The following DAAM1 variants were observed in gnomAD, a reference collection of about 807,000 sequenced individuals.
DAAM1 encodes the protein dishevelled associated activator of morphogenesis 1.
A neutral mutation model predicts 130.0 loss-of-function variants in DAAM1; 52 were observed. The ratio of observed to expected loss-of-function variants is 0.40; its 90% CI spans 0.32 to 0.50. The LOEUF is 0.50. Among genes scored for constraint, DAAM1 ranks in the 20% least tolerant of loss-of-function variants. The probability of loss-of-function intolerance (pLI) is 0.61; values close to 1 mark genes in which losing one functional copy is unlikely to be tolerated. For synonymous variants in DAAM1, 452 were observed against 444.5 expected, an observed-to-expected ratio of 1.02 and a Z score of -0.21; for missense variants, 1,134 against 1,303.8, an observed-to-expected ratio of 0.87 and a Z score of 2.01.
chr14:59,280,535 C>CT (rs35354608), intron 2 of DAAM1, among the ~76,000 whole-genome samples: 39,165 of 89,992 alleles, frequency 0.44, 7,725 homozygotes, highest in Non-Finnish European at 0.49. Flanking sequence ...GCACACCTTC[C>CT]TTTTTTTTTT....
chr14:59,273,358 T>C (rs1222694059), intron 2 of DAAM1, among the ~76,000 whole-genome samples: 1 of 152,190 alleles, frequency 6.6e-6, no homozygotes, highest in East Asian at 1.9e-4. Flanking sequence ...TTCTTATATC[T>C]TAATATTAGA....
At chr14:59,337,396 C>T (rs963752321) in intron 15 of DAAM1, among the ~76,000 whole-genome samples, 12 of 152,174 alleles carry the variant, frequency 7.9e-5, no homozygotes, top group African/African-American at 2.9e-4. Context: ...TTCTGTTTCT[C>T]ACTAGAGGAA....
At chr14:59,301,731 ACTCT>A (rs1464696509) in intron 3 of DAAM1, among the ~76,000 whole-genome samples, 2 of 151,744 alleles carry the variant, frequency 1.3e-5, no homozygotes, top group African/African-American at 4.8e-5. Context: ...AGATTTTGAG[ACTCT>A]CTCCTCTTCC....
intron 2 of DAAM1, among the ~76,000 whole-genome samples, chr14:59,268,191 G>A (rs541936732): frequency 2.0e-5 from 3 of 152,114 alleles, no homozygotes; most frequent in Non-Finnish European, 2.9e-5. Flanking sequence ...ATGAGTCACC[G>A]CGCCCGGCGC....
intron 3 of DAAM1, among the ~76,000 whole-genome samples, chr14:59,305,712 G>A (rs1357912324): frequency 6.6e-6 from 1 of 152,134 alleles, no homozygotes; most frequent in Non-Finnish European, 1.5e-5. Context: ...TTACAGAAAT[G>A]CGGTGATATT....
chr14:59,356,593 G>A (rs1886488756), intron 20 of DAAM1, among the ~76,000 whole-genome samples: 1 of 152,180 alleles, frequency 6.6e-6, no homozygotes, highest in South Asian at 2.1e-4. Context: ...TGTGTTGTTG[G>A]TCCATCCACA....
chr14:59,267,904 T>TCCCC, intron 2 of DAAM1, among the ~76,000 whole-genome samples: 1 of 27,592 alleles, frequency 3.6e-5, no homozygotes, highest in East Asian at 1.2e-3. Context: ...GCCCCCCCCT[T>TCCCC]TTTTTTTTTT....
chr14:59,291,198 T>G lies in DAAM1; in HGVS notation c.184-19T>G, dbSNP rs930987889. Reference sequence around the variant, plus strand: ...TAATGTTTATCCTATGAAACACTAATTATTTTCTTTCTTCTCAGGATGAAC... The same window carrying G: ...TAATGTTTATCCTATGAAACACTAAGTATTTTCTTTCTTCTCAGGATGAAC... On this transcript the variant is annotated intron_variant, in intron 2 of 24. Coordinates refer to ENST00000360909, the MANE Select transcript of DAAM1 (RefSeq NM_001270520.2). 11 of 1,592,630 alleles carry G rather than the reference T, an allele frequency of 6.9e-6. No individual in the cohort carries two copies. Among genetic ancestry groups the G allele is most frequent in the Non-Finnish European group, 9.4e-6 (11 of 1,170,668 alleles).
chr14:59,237,911 C>G (rs1889351117), intron 1 of DAAM1, among the ~76,000 whole-genome samples: 2 of 152,140 alleles, frequency 1.3e-5, no homozygotes, highest in South Asian at 4.1e-4. Flanking sequence ...TAGAATGGCT[C>G]TTGGGGATAT....
chr14:59,363,552 C>T (rs1278896998), intron 22 of DAAM1, 99 bp from the exon 23 acceptor site: 4 of 1,521,946 alleles, frequency 2.6e-6, no homozygotes, highest in Non-Finnish European at 3.6e-6. Flanking sequence ...GTTTGCCATT[C>T]TGATTTATTA....
rs184151903 is a variant in DAAM1, at chr14:59,351,797, T to G, written c.2161-729T>G. 1.4e-3 allele frequency among the ~76,000 whole-genome samples: 207 copies of G among 151,966 alleles called. 1 individual carries two copies. The Middle Eastern group carries it at 0.014, about 10-fold the overall frequency. ...AGGGCATTTGATCTAGAAAACAGCA[T>G]GAGTCCACAGGTCTTGCATACACAT... On this transcript the variant is annotated intron_variant, in intron 17 of 24. Coordinates refer to ENST00000360909, the MANE Select transcript of DAAM1 (RefSeq NM_001270520.2).
At chr14:59,192,523 C>A (rs1467374567) in intron 1 of DAAM1, among the ~76,000 whole-genome samples, 1 of 152,124 alleles carries the variant, frequency 6.6e-6, no homozygotes, top group African/African-American at 2.4e-5. Flanking sequence ...TTAAGTCTAT[C>A]CTTATATTGC....
chr14:59,331,465 C>G lies in DAAM1; in HGVS notation c.1817C>G (p.Pro606Arg). The part of the protein sequence containing the change: ...LALKKKSIPQ[P>R]TNALKSFNWS... Reference sequence around the variant, plus strand: ...CTGAAGAAGAAAAGCATTCCTCAGCCCACAAATGCCCTGAAATCCTTCAAC... The same window carrying G: ...CTGAAGAAGAAAAGCATTCCTCAGCGCACAAATGCCCTGAAATCCTTCAAC... The change falls in exon 14 of 25, where the codon CCC becomes CGC. Residue 606 changes from proline to arginine, a missense_variant. By Grantham distance (103) the Pro-to-Arg change is moderately radical (BLOSUM62 -2). Transcript: ENST00000360909. The G allele has an allele frequency of 1.2e-6, 2 of 1,611,834 alleles. No individual in the cohort carries two copies. The highest frequency in any genetic ancestry group is 1.7e-6 in the Non-Finnish European group (2 of 1,178,920).
chr14:59,203,146 C>T (rs577809225), intron 1 of DAAM1, among the ~76,000 whole-genome samples: 2 of 149,584 alleles, frequency 1.3e-5, no homozygotes, highest in South Asian at 2.1e-4. Flanking sequence ...CACCCGCCAC[C>T]ACTTCTGGCT....
At chr14:59,343,923 TTAGA>T (rs1483308361) in intron 16 of DAAM1, among the ~76,000 whole-genome samples, 7 of 152,226 alleles carry the variant, frequency 4.6e-5, no homozygotes, top group African/African-American at 1.7e-4. Flanking sequence ...TGGGCACGTC[TTAGA>T]GACGTTCCTC....
intron 1 of DAAM1, among the ~76,000 whole-genome samples, chr14:59,218,131 T>G (rs527718690): frequency 1.4e-4 from 21 of 151,844 alleles, no homozygotes; most frequent in African/African-American, 5.1e-4. Flanking sequence ...AGATCTCATC[T>G]CCAAAAAAAG....
chr14:59,208,932 T>A (rs1406535637), intron 1 of DAAM1, among the ~76,000 whole-genome samples: 9 of 152,240 alleles, frequency 5.9e-5, no homozygotes, highest in Admixed American at 1.3e-4. Context: ...CTTCACCTTC[T>A]GCTGTGATTG....
intron 1 of DAAM1, among the ~76,000 whole-genome samples, chr14:59,228,680 G>A (rs910059759): frequency 3.9e-5 from 6 of 152,128 alleles, no homozygotes; most frequent in Middle Eastern, 3.2e-3. Flanking sequence ...GTGCTTGATG[G>A]CTTTTTCTTA....
At chr14:59,252,764 A>C (rs1434300182) in intron 1 of DAAM1, among the ~76,000 whole-genome samples, 1 of 152,188 alleles carries the variant, frequency 6.6e-6, no homozygotes, top group Non-Finnish European at 1.5e-5. Flanking sequence ...TATAGTGTCC[A>C]CTCAAAAGCC....
Sources: gnomAD v4.1 joint callset for allele counts (sites outside exome capture counted in the v4.1 genomes callset) on GRCh38, gnomAD v4.1.1 for gene constraint, MANE v1.5 for transcripts, NCBI Gene and HGNC (gene_info 2026-07-23, HGNC 2026-07-21) for gene names.